The following CALN1 variants were observed in gnomAD, a reference collection of about 807,000 sequenced individuals.
CALN1 encodes the protein calcium-binding protein 8.
CALN1 carries 17 observed loss-of-function variants against 30.6 expected under a neutral mutation model. That is an observed-to-expected ratio of 0.56 (90% CI 0.38 to 0.83). CALN1 has a LOEUF of 0.83. CALN1 is among the 40% of genes least tolerant of loss of function. The pLI is 0.00. For missense variants in CALN1, 291 were observed against 354.9 expected, an observed-to-expected ratio of 0.82 and a Z score of 1.45; for synonymous variants, 156 against 131.4, an observed-to-expected ratio of 1.19 and a Z score of -1.28.
chr7:72,076,513 G>T (rs1000686225), intron 4 of CALN1, among the ~76,000 whole-genome samples: 1 of 143,090 alleles, frequency 7.0e-6, no homozygotes, highest in Non-Finnish European at 1.5e-5. Flanking sequence ...CAGGAGAATC[G>T]CTTGAACCCG....
intron 6 of CALN1, among the ~76,000 whole-genome samples, chr7:71,804,750 T>A (rs933457901): frequency 1.1e-4 from 16 of 152,028 alleles, no homozygotes; most frequent in Non-Finnish European, 1.8e-4. Flanking sequence ...TCACTTGAGG[T>A]CAGGAGTTCG....
chr7:71,853,336 TA>T (rs1436123994), intron 5 of CALN1, among the ~76,000 whole-genome samples: 3 of 152,144 alleles, frequency 2.0e-5, no homozygotes, highest in African/African-American at 7.2e-5. Context: ...TTGTATATAT[TA>T]TTATTTATGG....
chr7:71,996,076 G>A (rs1432519379), intron 5 of CALN1, among the ~76,000 whole-genome samples: 1 of 152,102 alleles, frequency 6.6e-6, no homozygotes, highest in Non-Finnish European at 1.5e-5. Context: ...CTGGCTAATA[G>A]AGCACCATAA....
At chr7:72,162,914 A>G (rs1029678683) in intron 3 of CALN1, among the ~76,000 whole-genome samples, 1 of 152,242 alleles carries the variant, frequency 6.6e-6, no homozygotes, top group African/African-American at 2.4e-5. Context: ...TTACAAATAG[A>G]AAGGAAATAT....
chr7:72,304,194 A>C (rs901608381), intron 2 of CALN1, among the ~76,000 whole-genome samples: 1 of 152,272 alleles, frequency 6.6e-6, no homozygotes, highest in Non-Finnish European at 1.5e-5. Flanking sequence ...TTATAAGCTA[A>C]AGCAATAAAG....
chr7:72,408,271 A>T (rs1237471552), intron 1 of CALN1, among the ~76,000 whole-genome samples: 7 of 27,976 alleles, frequency 2.5e-4, no homozygotes, highest in East Asian at 2.3e-3. Context: ...CATCTCTATT[A>T]AAAAAAAAAA....
In CALN1 at chr7:72,410,985, T is replaced by C. The variant is rs1018019158; in HGVS notation, c.-74+1073A>G. Among the ~76,000 whole-genome samples the C allele has an allele frequency of 3.3e-5, 5 of 152,202 alleles. No homozygotes were observed. In the East Asian group the frequency reaches 7.7e-4, roughly 23 times the overall value. ...TATTTTAAGGTGATATGATTATATG[T>C]ATGGAAAATCCCAAAGAATTCATGA... On this transcript the variant is annotated intron_variant, in intron 1 of 6. Transcript: ENST00000395275.
chr7:72,103,069 CAA>C (rs71533283), intron 4 of CALN1: 22,769 of 104,874 alleles, frequency 0.22, 2,091 homozygotes, highest in Middle Eastern at 0.29. Flanking sequence ...GAGACTCCGT[CAA>C]AAAAAAAAAA....
chr7:71,900,839 G>A (rs563649056), intron 5 of CALN1, among the ~76,000 whole-genome samples: 41 of 152,290 alleles, frequency 2.7e-4, no homozygotes, highest in African/African-American at 9.9e-4. Flanking sequence ...CCACTGGGTG[G>A]AGATTTAAAA....
chr7:71,921,260 G>C (rs549071210), intron 5 of CALN1, among the ~76,000 whole-genome samples: 12 of 152,310 alleles, frequency 7.9e-5, no homozygotes, highest in Non-Finnish European at 1.5e-4. Context: ...ACCTAATGTA[G>C]ATGACAGGTT....
intron 3 of CALN1, among the ~76,000 whole-genome samples, chr7:72,163,067 A>G (rs1004050942): frequency 8.5e-5 from 13 of 152,222 alleles, no homozygotes; most frequent in African/African-American, 3.1e-4. Flanking sequence ...CGCCCTCCAT[A>G]GAGGCTGGAG....
rs56355838 is a variant in CALN1, at chr7:71,958,065, CAAAAAAAA to C, written c.501+65584_501+65591del. On this transcript the variant is annotated intron_variant, in intron 5 of 6. Coordinates refer to ENST00000395275, the MANE Select transcript of CALN1 (RefSeq NM_031468.4). ...AGGTGACAAGAGTGAAACTCCATCT[CAAAAAAAA>C]AAAAAAAAAAGAAAGAAAGAAAAAA... is the stretch of plus-strand genomic sequence containing the variant. 2.1e-5 allele frequency among the ~76,000 whole-genome samples: 2 copies of C among 93,874 alleles called. 1 individual carries two copies. The highest frequency in any genetic ancestry group is 2.5e-4 in the Admixed American group (2 of 7,916). 61.6% of individuals were successfully genotyped at this position (93,874 alleles called of 152,430 possible).
At chr7:72,448,743 C>T (rs1314662011), upstream of CALN1, among the ~76,000 whole-genome samples, 2 of 151,842 alleles carry the variant, frequency 1.3e-5, no homozygotes, top group South Asian at 2.1e-4. Context: ...GTAGCTGGGA[C>T]TACAGATGTG....
intron 5 of CALN1, among the ~76,000 whole-genome samples, chr7:71,811,217 A>C (rs1488792571): frequency 6.6e-6 from 1 of 151,914 alleles, no homozygotes; most frequent in Admixed American, 6.6e-5. Context: ...TCGTTTAAAA[A>C]AAAATTTAGA....
At chr7:72,427,297 C>G (rs1479814226) in intron 1 of CALN1, among the ~76,000 whole-genome samples, 1 of 151,912 alleles carries the variant, frequency 6.6e-6, no homozygotes, top group East Asian at 2.0e-4. Context: ...CTTTGAGAAC[C>G]AAAAGAAGAA....
chr7:72,492,584 T>C, the CALN1 span, among the ~76,000 whole-genome samples: 1 of 152,252 alleles, frequency 6.6e-6, no homozygotes, highest in Non-Finnish European at 1.5e-5. Context: ...AGTCACAAGC[T>C]GTCACAGACC....
chr7:72,429,279 T>C (rs1019655240), intron 1 of CALN1, among the ~76,000 whole-genome samples: 3 of 152,174 alleles, frequency 2.0e-5, no homozygotes, highest in African/African-American at 7.2e-5. Context: ...ATTATTTGTG[T>C]TTCACCCCTA....
intron 4 of CALN1, among the ~76,000 whole-genome samples, chr7:72,033,217 C>T (rs1180762056): frequency 1.3e-5 from 2 of 152,124 alleles, no homozygotes; most frequent in East Asian, 1.9e-4. Flanking sequence ...TGCAGGAGTG[C>T]CAGGACTGTA....
At chr7:72,333,764 CAAAG>C (rs1244711961) in intron 2 of CALN1, among the ~76,000 whole-genome samples, 2 of 151,678 alleles carry the variant, frequency 1.3e-5, no homozygotes, top group Admixed American at 1.3e-4. Flanking sequence ...GCACACGTGA[CAAAG>C]AAAGGGTTTT....
Sources: allele counts gnomAD v4.1 joint callset (sites outside exome capture counted in the v4.1 genomes callset), GRCh38; gene constraint gnomAD v4.1.1; transcripts MANE v1.5; gene names NCBI Gene and HGNC (gene_info 2026-07-23, HGNC 2026-07-21).